MTUS1: variants seen among roughly 807,000 people sequenced by gnomAD.
The protein encoded by MTUS1 is microtubule associated scaffold protein 1.
Under a neutral mutation model 120.8 loss-of-function variants are expected in MTUS1, and 109 were observed. The ratio of observed to expected loss-of-function variants is 0.90; its 90% CI spans 0.77 to 1.06. The LOEUF is 1.06. Ranked by LOEUF, MTUS1 falls within the 50% of genes least tolerant of loss-of-function variation. The pLI, the probability that MTUS1 is intolerant of heterozygous loss-of-function variation, is 0.00. For missense variants in MTUS1, 2,210 were observed against 1,486.3 expected, an observed-to-expected ratio of 1.49 and a Z score of -8.01; for synonymous variants, 737 against 550.5, an observed-to-expected ratio of 1.34 and a Z score of -4.74.
At chr8:17,648,246 T>C (rs1806249546) in intron 13 of MTUS1, among the ~76,000 whole-genome samples, 1 of 152,194 alleles carries the variant, frequency 6.6e-6, no homozygotes, top group Admixed American at 6.5e-5. Flanking sequence ...TTTACAAATA[T>C]GAAGGGAACA....
At chr8:17,653,626 A>C (rs749056246) in intron 10 of MTUS1, 128 bp from the exon 11 acceptor site, 17 of 666,268 alleles carry the variant, frequency 2.6e-5, no homozygotes, top group Non-Finnish European at 4.2e-5. Context: ...CATCTATAGT[A>C]TGCTTTTATG....
At chr8:17,798,110 G>C (rs1178872656) in intron 1 of MTUS1, among the ~76,000 whole-genome samples, 1 of 152,126 alleles carries the variant, frequency 6.6e-6, no homozygotes, top group African/African-American at 2.4e-5. Flanking sequence ...ACAATAAATG[G>C]AGTGTGAGCC....
rs1805900076 is a variant in MTUS1, at chr8:17,646,869, C to G, written c.3599+113G>C. The stretch of plus-strand genomic sequence containing the variant: ...ACAGAGAAATCAATGCCCTTTTAAC[C>G]ATCTGCTTCCATCATATTTCCAGGA... On this transcript the variant is annotated intron_variant, in intron 14 of 14. Transcript: ENST00000693296. 6 of 722,714 alleles carry G rather than the reference C, an allele frequency of 8.3e-6. No homozygotes were observed. The East Asian group carries it at 1.6e-4, about 19-fold the overall frequency. 44.8% of individuals were successfully genotyped at this position (722,714 alleles called of 1,614,324 possible). A position where few individuals can be genotyped will look rare whatever the true frequency, so the allele number is the denominator to read the frequency against.
chr8:17,675,763 A>G (rs569824406), intron 7 of MTUS1, among the ~76,000 whole-genome samples: 5 of 152,248 alleles, frequency 3.3e-5, no homozygotes, highest in Non-Finnish European at 7.3e-5. Context: ...CAGAAAGATA[A>G]TCCTTTAAAG....
chr8:17,754,260 A>G lies in MTUS1; in HGVS notation c.1548T>C (p.Ser516=), dbSNP rs2048418817. The change falls in exon 2 of 15, where the codon TCT becomes TCC. Residue 516 remains serine, a synonymous_variant. Transcript: ENST00000693296. ...NFKNVKAKVM[S]RAVLQPKDAA... Reference sequence around the variant, plus strand: ...CATCTTTGGGCTGCAACACTGCTCTAGACATAACTTTTGCTTTGACATTCT... The same window carrying G: ...CATCTTTGGGCTGCAACACTGCTCTGGACATAACTTTTGCTTTGACATTCT... 1.2e-6 allele frequency: 2 copies of G among 1,614,040 alleles called. No individual in the cohort carries two copies. The highest frequency in any genetic ancestry group is 1.3e-5 in the African/African-American group (1 of 74,918).
At chr8:17,699,483 G>C (rs896030989) in intron 6 of MTUS1, among the ~76,000 whole-genome samples, 1 of 152,098 alleles carries the variant, frequency 6.6e-6, no homozygotes, top group African/African-American at 2.4e-5. Context: ...CCAAGTGCTG[G>C]GATTACAGGG....
At chr8:17,796,910 G>C (rs756294683) in intron 1 of MTUS1, among the ~76,000 whole-genome samples, 9 of 152,212 alleles carry the variant, frequency 5.9e-5, no homozygotes, top group Admixed American at 1.3e-4. Context: ...TCAGGAATTC[G>C]AGACCAAGTT....
intron 1 of MTUS1, among the ~76,000 whole-genome samples, chr8:17,772,830 A>T (rs1383076799): frequency 6.6e-6 from 1 of 152,206 alleles, no homozygotes; most frequent in African/African-American, 2.4e-5. Flanking sequence ...AAACACACAA[A>T]GGAATAAAAG....
rs34479493 is a variant in MTUS1 at position 17,714,894 on chromosome 8, C to CTTTTTT, written c.2584+867_2584+872dup. On this transcript the variant is annotated intron_variant, in intron 5 of 14. Transcript: ENST00000693296. The stretch of plus-strand genomic sequence containing the variant: ...TTCAGTTCACTAAGCACAAATAATG[C>CTTTTTT]TTTTTTTTTTTTTTTTTTTTTTTTT... Among the ~76,000 whole-genome samples, 19 of 55,196 alleles carry CTTTTTT rather than the reference C, an allele frequency of 3.4e-4. 2 individuals are homozygous for CTTTTTT. Among genetic ancestry groups the CTTTTTT allele is most frequent in the East Asian group, 1.4e-3 (2 of 1,436 alleles). The allele number at this position is 55,196 out of a possible 152,430, so 36.2% of individuals were successfully genotyped here. A position where few individuals can be genotyped will look rare whatever the true frequency, so the allele number is the denominator to read the frequency against.
At chr8:17,768,460 C>T (rs778376591) in intron 1 of MTUS1, among the ~76,000 whole-genome samples, 2 of 152,022 alleles carry the variant, frequency 1.3e-5, no homozygotes, top group Admixed American at 1.3e-4. Context: ...AAAACACACA[C>T]ATTTAAGACT....
chr8:17,670,908 A>C (rs903371965), intron 8 of MTUS1, among the ~76,000 whole-genome samples: 1 of 152,204 alleles, frequency 6.6e-6, no homozygotes, highest in African/African-American at 2.4e-5. Context: ...ACAGCATACT[A>C]TATCTTTCCA....
intron 8 of MTUS1, among the ~76,000 whole-genome samples, chr8:17,667,889 C>A (rs1386762747): frequency 6.6e-6 from 1 of 152,138 alleles, no homozygotes. Flanking sequence ...GAGTAGGCAC[C>A]AAACACACGA....
At chr8:17,717,114 T>A (rs1352446632) in intron 4 of MTUS1, among the ~76,000 whole-genome samples, 1 of 152,216 alleles carries the variant, frequency 6.6e-6, no homozygotes, top group African/African-American at 2.4e-5. Context: ...AGGCGTGCTA[T>A]TATTTTCCCC....
chr8:17,757,166 C>G (rs556878832), intron 1 of MTUS1, among the ~76,000 whole-genome samples: 3 of 152,200 alleles, frequency 2.0e-5, no homozygotes, highest in African/African-American at 7.2e-5. Flanking sequence ...AACTGAAGAG[C>G]AGAAAGCAAA....
At chr8:17,756,671 A>ACCGCCCC (rs1554526123) in intron 1 of MTUS1, among the ~76,000 whole-genome samples, 1 of 117,484 alleles carries the variant, frequency 8.5e-6, no homozygotes, top group African/African-American at 3.2e-5. Flanking sequence ...TCAAGCCCAA[A>ACCGCCCC]CCCCCACCCC....
chr8:17,658,617 A>T (rs6586617), intron 8 of MTUS1, among the ~76,000 whole-genome samples: 92,762 of 152,058 alleles, frequency 0.61, 29,641 homozygotes, highest in Middle Eastern at 0.83. Flanking sequence ...TTGCTGGCAA[A>T]TCTGTTAAAT....
intron 1 of MTUS1, among the ~76,000 whole-genome samples, chr8:17,774,470 T>C (rs1010267150): frequency 3.3e-5 from 5 of 152,214 alleles, no homozygotes; most frequent in Non-Finnish European, 7.3e-5. Flanking sequence ...GCGGAGGTGA[T>C]GCCACCAGGC....
At chr8:17,799,640 T>G (rs952493354) in intron 1 of MTUS1, among the ~76,000 whole-genome samples, 3 of 152,138 alleles carry the variant, frequency 2.0e-5, no homozygotes, top group Admixed American at 6.5e-5. Context: ...TATAAGATAT[T>G]ATCTAGAATC....
intron 1 of MTUS1, among the ~76,000 whole-genome samples, chr8:17,788,996 G>C (rs928951591): frequency 2.0e-5 from 3 of 151,220 alleles, no homozygotes; most frequent in Admixed American, 6.6e-5. Context: ...TTATGCTAAA[G>C]AAATGATTTG....
Sources: gnomAD v4.1 joint callset for allele counts (sites outside exome capture counted in the v4.1 genomes callset) on GRCh38, gnomAD v4.1.1 for gene constraint, MANE v1.5 for transcripts, NCBI Gene and HGNC (gene_info 2026-07-23, HGNC 2026-07-21) for gene names.